Variants in CIP2A observed in about 807,000 individuals in gnomAD.
CIP2A encodes cellular inhibitor of PP2A.
A neutral mutation model predicts 110.9 loss-of-function variants in CIP2A; 103 were observed. The ratio of observed to expected loss-of-function variants is 0.93; its 90% confidence interval spans 0.79 to 1.09. The LOEUF is 1.09. Ranked by LOEUF, CIP2A falls within the 50% of genes least tolerant of loss-of-function variation. The pLI, the probability that CIP2A is intolerant of heterozygous loss-of-function variation, is 0.00. For missense variants in CIP2A, 1,088 were observed against 1,038.4 expected, an observed-to-expected ratio of 1.05 and a Z score of -0.66; for synonymous variants, 381 against 361.6, an observed-to-expected ratio of 1.05 and a Z score of -0.61.
chr3:108,568,358 T>C, intron 9 of CIP2A, 44 bp from the exon 10 acceptor site: 1 of 1,529,998 alleles, frequency 6.5e-7, no homozygotes, highest in Non-Finnish European at 9.0e-7. Context: ...AAAGATGGAA[T>C]ATACAATACA....
intron 16 of CIP2A, among the ~76,000 whole-genome samples, chr3:108,559,513 A>G (rs1032987833): frequency 7.2e-5 from 11 of 152,254 alleles, no homozygotes; most frequent in Admixed American, 4.6e-4. Flanking sequence ...TATAAGTCCC[A>G]GAGTCCCCAA....
intron 16 of CIP2A, 87 bp downstream of exon 16, chr3:108,559,670 T>C (rs368790398): frequency 1.6e-6 from 1 of 626,672 alleles, no homozygotes; most frequent in Admixed American, 3.6e-5. Context: ...TTTACTTCAA[T>C]TAGAGTAACA....
intron 8 of CIP2A, chr3:108,575,070 T>C (rs1938525450): frequency 6.6e-6 from 1 of 152,164 alleles, no homozygotes; most frequent in African/African-American, 2.4e-5. Context: ...GTGAGGGTGT[T>C]CACTGTAATG....
At chr3:108,575,948 A>G (rs1004381351) in intron 8 of CIP2A, among the ~76,000 whole-genome samples, 2 of 150,772 alleles carry the variant, frequency 1.3e-5, no homozygotes, top group African/African-American at 4.9e-5. Context: ...GTATATATAC[A>G]TATATGTGTA....
chr3:108,566,280 T>C (rs564235379), intron 11 of CIP2A, among the ~76,000 whole-genome samples: 3 of 151,768 alleles, frequency 2.0e-5, no homozygotes, highest in South Asian at 2.1e-4. Context: ...AAAACAAACC[T>C]AAACAATAAA....
chr3:108,553,567 T>C, intron 19 of CIP2A, 81 bp downstream of exon 19: 1 of 1,204,354 alleles, frequency 8.3e-7, no homozygotes, highest in South Asian at 1.5e-5. Context: ...AAGTAGAAAA[T>C]AAAAAAGCAA....
At position 108,568,143 on chromosome 3, in the gene CIP2A, A is replaced by C. The variant is rs1938248196; in HGVS notation, c.1273+12T>G. 6.2e-7 allele frequency: 1 copy of C among 1,606,926 alleles called. No individual in the cohort carries two copies. Among genetic ancestry groups the C allele is most frequent in the Non-Finnish European group, 8.5e-7 (1 of 1,174,420 alleles). ...GTTATACAGTTTTCACGTTAATGAC[A>C]GTAAAGGATATTTAACAAAACTTCA... On this transcript the variant is annotated intron_variant, in intron 10 of 20. Coordinates refer to ENST00000295746, the MANE Select transcript of CIP2A (RefSeq NM_020890.3).
chr3:108,558,165 AT>A (rs1307907780), intron 16 of CIP2A, among the ~76,000 whole-genome samples: 3 of 152,162 alleles, frequency 2.0e-5, no homozygotes, highest in Non-Finnish European at 2.9e-5. Context: ...GGGAAAAATT[AT>A]TTTAATATCA....
rs779075556 is a variant in CIP2A, at chr3:108,585,131, G to A, written c.184C>T (p.Leu62=). ...TSECLSCLVE[L]LEDPNISASL... is the part of the protein sequence containing the mutation. Reference sequence around the variant, plus strand: ...GCACTTATGTTGGGGTCTTCAAGTAGCTCTACAAGGCAACTCAAGCATTCA... The same window carrying A: ...GCACTTATGTTGGGGTCTTCAAGTAACTCTACAAGGCAACTCAAGCATTCA... The change falls in exon 2 of 21, where the codon CTA becomes TTA. Residue 62 remains leucine, a synonymous_variant. Transcript: ENST00000295746. 4 of 1,613,388 alleles carry A rather than the reference G, an allele frequency of 2.5e-6. No individual in the cohort carries two copies. The highest frequency in any genetic ancestry group is 3.4e-6 in the Non-Finnish European group (4 of 1,179,434).
chr3:108,585,292 T>C, intron 1 of CIP2A, 80 bp from the exon 2 acceptor site: 2 of 1,309,946 alleles, frequency 1.5e-6, no homozygotes, highest in Admixed American at 2.4e-5. Context: ...AAAACTCAGT[T>C]CCCTCAAAGT....
At chr3:108,586,314 G>A (rs1939037503) in intron 1 of CIP2A, among the ~76,000 whole-genome samples, 1 of 152,094 alleles carries the variant, frequency 6.6e-6, no homozygotes. Flanking sequence ...GCAGATGCCA[G>A]TAACAGATAT....
Position 108,565,569 on chromosome 3 carries a change from G to T in CIP2A, c.1416-115C>A, listed in dbSNP as rs548634544. 5.2e-6 allele frequency: 3 copies of T among 577,598 alleles called. No homozygotes were observed. The African/African-American group carries it at 5.8e-5, about 11-fold the overall frequency. 35.8% of individuals were successfully genotyped at this position (577,598 alleles called of 1,614,324 possible). A position where few individuals can be genotyped will look rare whatever the true frequency, so the allele number is the denominator to read the frequency against. On this transcript the variant is annotated intron_variant, in intron 11 of 20. Coordinates refer to ENST00000295746, the MANE Select transcript of CIP2A (RefSeq NM_020890.3). ...CAACACTTGTGTTTTTTAAATTCAA[G>T]ATGATAAAGTCCTGTTTCTATTGAG... is the stretch of plus-strand genomic sequence containing the variant.
Position 108,589,320 on chromosome 3 carries a change from GC to G in CIP2A, c.55del (p.Ala19ProfsTer2). ...SLLLTVSQYK[A>X]VKSEANATQL... ...AGTGGCGTTCGCCTCTGACTTCACG[GC>G]TTTGTACTGACTGACAGTCAGGAGC... On this transcript the variant is annotated frameshift_variant, in exon 1 of 21. Coordinates refer to ENST00000295746, the MANE Select transcript of CIP2A (RefSeq NM_020890.3). LOFTEE classifies it high-confidence loss of function. 3 of 1,614,096 alleles carry G rather than the reference GC, an allele frequency of 1.9e-6. No individual in the cohort carries two copies. Among genetic ancestry groups the G allele is most frequent in the Non-Finnish European group, 2.5e-6 (3 of 1,179,996 alleles).
At chr3:108,561,625 C>T (rs766837687) in intron 13 of CIP2A, among the ~76,000 whole-genome samples, 6 of 152,140 alleles carry the variant, frequency 3.9e-5, no homozygotes, top group Non-Finnish European at 8.8e-5. Context: ...GTCATGATCA[C>T]ACCACTGCAC....
intron 10 of CIP2A, among the ~76,000 whole-genome samples, 189 bp from the exon 11 acceptor site, chr3:108,566,827 C>T (rs1938205089): frequency 6.6e-6 from 1 of 151,748 alleles, no homozygotes; most frequent in Non-Finnish European, 1.5e-5. Flanking sequence ...AAGAGATGGA[C>T]TGGCACCAAA....
intron 9 of CIP2A, among the ~76,000 whole-genome samples, 199 bp downstream of exon 9, chr3:108,569,190 A>ATATATATATATAT (rs1938297759): frequency 7.6e-6 from 1 of 131,380 alleles, no homozygotes; most frequent in Non-Finnish European, 1.6e-5. Flanking sequence ...ATACATACAC[A>ATATATATATATAT]CTACTCAGTG....
At chr3:108,569,301 T>G in intron 9 of CIP2A, 88 bp downstream of exon 9, 1 of 973,684 alleles carries the variant, frequency 1.0e-6, no homozygotes, top group South Asian at 1.4e-5. Flanking sequence ...GTGTATGAAC[T>G]GTAAGTTTAC....
chr3:108,558,625 G>C (rs1937892925), intron 16 of CIP2A, among the ~76,000 whole-genome samples: 1 of 152,110 alleles, frequency 6.6e-6, no homozygotes, highest in African/African-American at 2.4e-5. Context: ...ATAAGCGTAG[G>C]TTTGATACAC....
intron 12 of CIP2A, 106 bp downstream of exon 12, chr3:108,565,249 A>T (rs1559693496): frequency 4.9e-6 from 3 of 616,104 alleles, no homozygotes; most frequent in Non-Finnish European, 8.4e-6. Flanking sequence ...CTCATTGCCA[A>T]TTCTAAGAGA....
Sources: gnomAD v4.1 joint callset for allele counts (sites outside exome capture counted in the v4.1 genomes callset) on GRCh38, gnomAD v4.1.1 for gene constraint, MANE v1.5 for transcripts, NCBI Gene and HGNC (gene_info 2026-07-23, HGNC 2026-07-21) for gene names.